Variants in SEMA3D observed in about 807,000 individuals in gnomAD.
The protein encoded by SEMA3D is semaphorin-3D.
SEMA3D carries 84 observed loss-of-function variants against 100.1 expected under a neutral mutation model. The observed-to-expected ratio is 0.84, with a 90% CI of 0.70 to 1.01. SEMA3D has a LOEUF of 1.01. Among genes scored for constraint, SEMA3D ranks in the 50% least tolerant of loss-of-function variants. The pLI is 0.00. For missense variants in SEMA3D, 875 were observed against 934.1 expected, an observed-to-expected ratio of 0.94 and a Z score of 0.82; for synonymous variants, 312 against 320.7, an observed-to-expected ratio of 0.97 and a Z score of 0.29.
chr7:85,023,397 C>T (rs1424415922), intron 12 of SEMA3D, among the ~76,000 whole-genome samples: 1 of 151,796 alleles, frequency 6.6e-6, no homozygotes, highest in Non-Finnish European at 1.5e-5. Context: ...ATCACCTCTC[C>T]CACATCCTAA....
chr7:85,187,329 T>C (rs1447279947), upstream of SEMA3D, among the ~76,000 whole-genome samples: 1 of 152,212 alleles, frequency 6.6e-6, no homozygotes, highest in African/African-American at 2.4e-5. Context: ...GTTCCTTCTC[T>C]ATACCATAAA....
intron 2 of SEMA3D, among the ~76,000 whole-genome samples, chr7:85,131,018 T>C (rs1255518620): frequency 6.6e-6 from 1 of 152,122 alleles, no homozygotes; most frequent in Non-Finnish European, 1.5e-5. Flanking sequence ...GAAACCATGA[T>C]GTAAAGCACC....
intron 12 of SEMA3D, among the ~76,000 whole-genome samples, chr7:85,027,406 C>G (rs555829805): frequency 2.0e-5 from 3 of 151,856 alleles, no homozygotes; most frequent in African/African-American, 7.3e-5. Flanking sequence ...TTAGCATTTG[C>G]CATTGATTTT....
At chr7:85,075,131 T>C (rs17560655) in intron 5 of SEMA3D, among the ~76,000 whole-genome samples, 14,182 of 152,048 alleles carry the variant, frequency 0.093, 908 homozygotes, top group Middle Eastern at 0.19. Context: ...CATTCGTACA[T>C]AGGGGAGAGT....
At chr7:85,133,231 T>A (rs1472821919) in intron 2 of SEMA3D, among the ~76,000 whole-genome samples, 1 of 151,968 alleles carries the variant, frequency 6.6e-6, no homozygotes. Flanking sequence ...TAGTTCTCTA[T>A]CAACATAGTA....
At chr7:85,066,133 A>T (rs1791612680) in intron 7 of SEMA3D, among the ~76,000 whole-genome samples, 1 of 152,188 alleles carries the variant, frequency 6.6e-6, no homozygotes, top group Non-Finnish European at 1.5e-5. Context: ...AAGGGGAAAG[A>T]TGTTGCCATT....
intron 8 of SEMA3D, among the ~76,000 whole-genome samples, chr7:85,061,016 G>A (rs1479712536): frequency 1.3e-5 from 2 of 152,076 alleles, no homozygotes; most frequent in Non-Finnish European, 2.9e-5. Context: ...AAGCTCAACT[G>A]CATTTGAGTA....
chr7:85,212,734 T>C, the SEMA3D span, among the ~76,000 whole-genome samples: 8 of 152,084 alleles, frequency 5.3e-5, no homozygotes, highest in Admixed American at 5.2e-4. Context: ...CAAGATTTTC[T>C]TTTAAAATCT....
intron 2 of SEMA3D, among the ~76,000 whole-genome samples, chr7:85,135,668 T>G (rs890439354): frequency 2.9e-5 from 4 of 138,536 alleles, no homozygotes; most frequent in African/African-American, 1.2e-4. Flanking sequence ...AATAAATAAA[T>G]AAATAAATAA....
At chr7:85,131,992 C>A (rs1789736994) in intron 2 of SEMA3D, among the ~76,000 whole-genome samples, 1 of 151,696 alleles carries the variant, frequency 6.6e-6, no homozygotes, top group African/African-American at 2.4e-5. Context: ...AGTTGCTGAC[C>A]ATTTTTGAAC....
chr7:84,997,490 C>G lies in SEMA3D; in HGVS notation c.*1950G>C, dbSNP rs986528098. The G allele has an allele frequency of 2.0e-5, 3 of 152,092 alleles. No homozygotes were observed. Among genetic ancestry groups the G allele is most frequent in the African/African-American group, 7.2e-5 (3 of 41,438 alleles). The allele number at this position is 152,092 out of a possible 1,614,324, so 9.4% of individuals were successfully genotyped here. On this transcript the variant is annotated 3_prime_UTR_variant, in exon 19 of 19. Coordinates refer to ENST00000284136, the MANE Select transcript of SEMA3D (RefSeq NM_001384900.1). ...TAAATGAGTGATTTGTTCTGGTTCA[C>G]TTTTATTAAAATTATTCCTTAGCTG...
At chr7:85,095,793 T>C (rs1788532181) in intron 4 of SEMA3D, among the ~76,000 whole-genome samples, 1 of 152,194 alleles carries the variant, frequency 6.6e-6, no homozygotes, top group South Asian at 2.1e-4. Context: ...AATTTCATAA[T>C]GTATTCAAAC....
the SEMA3D span, among the ~76,000 whole-genome samples, chr7:85,228,086 G>T: frequency 1.3e-5 from 2 of 152,110 alleles, no homozygotes; most frequent in Non-Finnish European, 2.9e-5. Flanking sequence ...ATGTTAGACT[G>T]TACTTTTTAT....
chr7:85,098,169 C>T (rs916706996), intron 3 of SEMA3D, among the ~76,000 whole-genome samples: 3 of 151,518 alleles, frequency 2.0e-5, no homozygotes, highest in Admixed American at 6.6e-5. Context: ...ACATATTGTC[C>T]CACTTTGTAA....
chr7:85,191,460 GTT>G (rs1368665211), upstream of SEMA3D, among the ~76,000 whole-genome samples: 1 of 152,112 alleles, frequency 6.6e-6, no homozygotes, highest in Admixed American at 6.5e-5. Context: ...CTTACAGCAT[GTT>G]TTAGATACAG....
At chr7:85,028,352 C>T (rs1383189221) in intron 12 of SEMA3D, 4 of 608,328 alleles carry the variant, frequency 6.6e-6, no homozygotes, top group African/African-American at 4.2e-5. Context: ...TATCAATGTG[C>T]CAATTGTCGC....
chr7:85,041,485 G>A (rs540977431), intron 10 of SEMA3D: 1 of 152,182 alleles, frequency 6.6e-6, no homozygotes, highest in South Asian at 2.1e-4. Flanking sequence ...CATACAATAG[G>A]AGAGGTCATC....
At chr7:85,238,259 C>G in the SEMA3D span, among the ~76,000 whole-genome samples, 93 of 152,196 alleles carry the variant, frequency 6.1e-4, no homozygotes, top group African/African-American at 2.0e-3. Flanking sequence ...CCTTTAGTGT[C>G]ATATCTAAAA....
chr7:85,214,378 A>C, the SEMA3D span, among the ~76,000 whole-genome samples: 2 of 152,150 alleles, frequency 1.3e-5, no homozygotes, highest in African/African-American at 4.8e-5. Flanking sequence ...ACATCTCTAT[A>C]CCATTTAAAT....
Sources: allele counts gnomAD v4.1 joint callset (sites outside exome capture counted in the v4.1 genomes callset), GRCh38; gene constraint gnomAD v4.1.1; transcripts MANE v1.5; gene names NCBI Gene and HGNC (gene_info 2026-07-23, HGNC 2026-07-21).